The following DYNLT5 variants were observed in gnomAD, a reference collection of about 807,000 sequenced individuals.
The protein encoded by DYNLT5 is dynein light chain Tctex-type 5.
DYNLT5 carries 25 observed loss-of-function variants against 19.3 expected under a neutral mutation model. That is an observed-to-expected ratio of 1.30 (90% CI 0.95 to 1.81). The LOEUF (loss-of-function observed/expected upper bound fraction) is 1.81. Among genes scored for constraint, DYNLT5 ranks in the 40% most tolerant of loss-of-function variants. DYNLT5 has a pLI of 0.00. For missense variants in DYNLT5, 232 were observed against 217.9 expected (o/e 1.06, Z -0.41); for synonymous variants, 82 against 68.9 (o/e 1.19, Z -0.94).
At chr1:66,761,248 A>G (rs1228271816) in intron 2 of DYNLT5, among the ~76,000 whole-genome samples, 3 of 152,246 alleles carry the variant, frequency 2.0e-5, no homozygotes, top group African/African-American at 7.2e-5. Context: ...TCCAGTGCAC[A>G]TAAAAATTGT....
At chr1:66,766,992 G>A (rs1194946818) in intron 2 of DYNLT5, among the ~76,000 whole-genome samples, 3 of 152,162 alleles carry the variant, frequency 2.0e-5, no homozygotes, top group Non-Finnish European at 4.4e-5. Flanking sequence ...CGTGAGGGTT[G>A]AGGGTGGAAG....
intron 2 of DYNLT5, among the ~76,000 whole-genome samples, chr1:66,760,376 C>T (rs2094643862): frequency 6.6e-6 from 1 of 152,052 alleles, no homozygotes. Context: ...ATTTTGTGAT[C>T]ATCGAATGAA....
intron 2 of DYNLT5, among the ~76,000 whole-genome samples, chr1:66,761,667 T>C (rs1399318411): frequency 2.0e-5 from 3 of 152,080 alleles, no homozygotes; most frequent in Non-Finnish European, 4.4e-5. Flanking sequence ...TAGTCCTAGG[T>C]ACTTGGGAGA....
intron 3 of DYNLT5, chr1:66,775,190 G>C (rs1645227345): frequency 6.6e-6 from 1 of 152,216 alleles, no homozygotes; most frequent in Non-Finnish European, 1.5e-5. Flanking sequence ...ATAAGCTCTA[G>C]CATCAGATAA....
At chr1:66,768,608 C>G (rs1158196202) in intron 2 of DYNLT5, 4 of 152,144 alleles carry the variant, frequency 2.6e-5, no homozygotes, top group Admixed American at 6.5e-5. Context: ...ATAGTGAAGA[C>G]AGTTTATAAA....
chr1:66,766,194 T>C (rs557690670), intron 2 of DYNLT5, among the ~76,000 whole-genome samples: 1 of 152,190 alleles, frequency 6.6e-6, no homozygotes, highest in Non-Finnish European at 1.5e-5. Flanking sequence ...GTAAAACACA[T>C]AGACAGCAAG....
At chr1:66,759,931 C>T (rs2094642886) in intron 2 of DYNLT5, among the ~76,000 whole-genome samples, 1 of 152,122 alleles carries the variant, frequency 6.6e-6, no homozygotes, top group African/African-American at 2.4e-5. Context: ...CCTCCCTCTG[C>T]TACTTGTCTC....
intron 2 of DYNLT5, among the ~76,000 whole-genome samples, chr1:66,769,500 T>C (rs1197781145): frequency 6.6e-6 from 1 of 151,502 alleles, no homozygotes; most frequent in Non-Finnish European, 1.5e-5. Flanking sequence ...CATAGCCTGC[T>C]TAGAAAAGTG....
chr1:66,778,032 C>A lies in DYNLT5; in HGVS notation c.*578C>A, dbSNP rs551370520. On this transcript the variant is annotated 3_prime_UTR_variant, in exon 5 of 5. Transcript: ENST00000282670. ...CTTCATAACAATTATCGTGGTCCCA[C>A]GGGCTGCAAGCTAAAACTAGAAGCT... 6.6e-6 allele frequency: 1 copy of A among 152,646 alleles called. No individual in the cohort carries two copies. Among genetic ancestry groups the A allele is most frequent in the Non-Finnish European group, 1.5e-5 (1 of 68,056 alleles). 9.5% of individuals were successfully genotyped at this position (152,646 alleles called of 1,614,324 possible).
Position 66,777,330 on chromosome 1 carries a change from G to A in DYNLT5, c.416G>A (p.Arg139Lys). Residue 139 changes from arginine (R) to lysine (K), a missense_variant, in exon 5 of 5, where the codon AGG becomes AAG. Coordinates refer to ENST00000282670, the MANE Select transcript of DYNLT5 (RefSeq NM_152665.3). Reference protein sequence around the residue: ...IVIVHIGQLNRQSILIGSRCL... With the variant: ...IVIVHIGQLNKQSILIGSRCL... ...ATTGTTCACATTGGACAACTGAACA[G>A]GCAGAGCATACTTATTGGAAGCAGA... The A allele has an allele frequency of 1.2e-6, 2 of 1,613,976 alleles. No homozygotes were observed. Among genetic ancestry groups the A allele is most frequent in the African/African-American group, 1.3e-5 (1 of 75,042 alleles).
chr1:66,777,379 T>C lies in DYNLT5; in HGVS notation c.465T>C (p.Asp155=), dbSNP rs779640953. ...GATGCCTCTGGGATCCTAAAAGTGA[T>C]ACCTTTTCATCTTATGTTTTCAGAA... ...GSRCLWDPKS[D]TFSSYVFRNS... is the part of the protein sequence containing the mutation. Residue 155 remains aspartate (D), a synonymous_variant, in exon 5 of 5, where the codon GAT becomes GAC. Coordinates refer to ENST00000282670, the MANE Select transcript of DYNLT5 (RefSeq NM_152665.3). The C allele has an allele frequency of 2.5e-5, 41 of 1,613,848 alleles. No individual in the cohort carries two copies. Among genetic ancestry groups the C allele is most frequent in the Non-Finnish European group, 3.4e-5 (40 of 1,179,902 alleles).
intron 2 of DYNLT5, among the ~76,000 whole-genome samples, chr1:66,757,080 A>G (rs1236330694): frequency 6.6e-6 from 1 of 152,182 alleles, no homozygotes; most frequent in Non-Finnish European, 1.5e-5. Flanking sequence ...GATATGCACT[A>G]TATTTGGTGA....
At chr1:66,775,810 A>C (rs1044749272) in intron 3 of DYNLT5, among the ~76,000 whole-genome samples, 1 of 152,200 alleles carries the variant, frequency 6.6e-6, no homozygotes, top group Admixed American at 6.5e-5. Flanking sequence ...CTTTATAGAC[A>C]GATGGAGCCT....
rs1434962100 is a variant in DYNLT5, at chr1:66,778,245, C to T, written c.*791C>T. 1 of 152,592 alleles carries T rather than the reference C, an allele frequency of 6.6e-6. No individual in the cohort carries two copies. The allele number at this position is 152,592 out of a possible 1,614,324, so 9.5% of individuals were successfully genotyped here. A position where few individuals can be genotyped will look rare whatever the true frequency, so the allele number is the denominator to read the frequency against. On this transcript the variant is annotated 3_prime_UTR_variant, in exon 5 of 5. Transcript: ENST00000282670. ...AATCATTTATTGGAAAGAGACATTG[C>T]TTTTAAATATCCTAGGCTAACAAAC...
chr1:66,761,114 C>A (rs575584104), intron 2 of DYNLT5, among the ~76,000 whole-genome samples: 32 of 152,224 alleles, frequency 2.1e-4, no homozygotes, highest in African/African-American at 7.0e-4. Context: ...TAAAATGGAG[C>A]AAATAATGTG....
At chr1:66,757,403 A>G (rs1252733374) in intron 2 of DYNLT5, among the ~76,000 whole-genome samples, 1 of 152,196 alleles carries the variant, frequency 6.6e-6, no homozygotes, top group African/African-American at 2.4e-5. Flanking sequence ...GTCTGTTTTT[A>G]AGTTATCTTT....
At chr1:66,773,313 T>A (rs1645214566) in intron 3 of DYNLT5, among the ~76,000 whole-genome samples, 1 of 152,002 alleles carries the variant, frequency 6.6e-6, no homozygotes, top group African/African-American at 2.4e-5. Context: ...TCCAAAATAT[T>A]GAGAGAGAAA....
intron 2 of DYNLT5, among the ~76,000 whole-genome samples, chr1:66,759,971 TC>T (rs768820510): frequency 5.3e-5 from 8 of 152,188 alleles, no homozygotes; most frequent in Non-Finnish European, 1.2e-4. Flanking sequence ...ACTAGCAGCC[TC>T]CTGTCTCAAA....
At chr1:66,757,043 C>T (rs531440969) in intron 2 of DYNLT5, among the ~76,000 whole-genome samples, 143 of 152,336 alleles carry the variant, frequency 9.4e-4, no homozygotes, top group African/African-American at 3.3e-3. Context: ...GATGATCTGC[C>T]TTTCTTCTCC....
Sources: gnomAD v4.1 joint callset for allele counts (sites outside exome capture counted in the v4.1 genomes callset) on GRCh38, gnomAD v4.1.1 for gene constraint, MANE v1.5 for transcripts, NCBI Gene and HGNC (gene_info 2026-07-23, HGNC 2026-07-21) for gene names.